BRD3: variants seen among roughly 807,000 people sequenced by gnomAD.
BRD3 encodes the protein bromodomain-containing protein 3.
BRD3 carries 17 observed loss-of-function variants against 66.8 expected under a neutral mutation model. The observed-to-expected ratio is 0.25, with a 90% CI of 0.17 to 0.38. The LOEUF (loss-of-function observed/expected upper bound fraction) is 0.38, where lower values mean the gene tolerates loss of function less well. BRD3 is among the 10% of genes least tolerant of loss of function. The pLI, the probability that BRD3 is intolerant of heterozygous loss-of-function variation, is 1.00. For missense variants in BRD3, 713 were observed against 956.1 expected (o/e 0.75, Z 3.35); for synonymous variants, 421 against 393.2 (o/e 1.07, Z -0.84).
rs1338352441 is a variant in BRD3, at chr9:134,037,572, A to T, written c.1644-1248T>A. On this transcript the variant is annotated intron_variant, in intron 9 of 11. Transcript: ENST00000303407. The stretch of plus-strand genomic sequence containing the variant: ...GGCAACACAGCCAGACTCCTTCTCA[A>T]AAAAATTTAAAAAATAAAAAATTAA... 2.0e-5 allele frequency among the ~76,000 whole-genome samples: 3 copies of T among 152,206 alleles called. No homozygotes were observed. In the East Asian group the frequency reaches 5.8e-4, roughly 29 times the overall value.
intron 1 of BRD3, among the ~76,000 whole-genome samples, 189 bp downstream of exon 1, chr9:134,067,756 G>A (rs1830700759): frequency 6.9e-6 from 1 of 144,914 alleles, no homozygotes; most frequent in Non-Finnish European, 1.5e-5. Flanking sequence ...GGCGGCCGCC[G>A]CGCTTTGTTG....
Position 134,042,060 on chromosome 9 carries a change from T to C in BRD3, c.1216-109A>G, listed in dbSNP as rs914755928. 4.8e-6 allele frequency: 6 copies of C among 1,240,620 alleles called. No individual in the cohort carries two copies. In the African/African-American group the frequency reaches 9.3e-5, roughly 19 times the overall value. The allele number at this position is 1,240,620 out of a possible 1,614,324, so 76.9% of individuals were successfully genotyped here. A position where few individuals can be genotyped will look rare whatever the true frequency, so the allele number is the denominator to read the frequency against. ...CCCCTGAGGCAGCACCCACAGCTGT[T>C]ACGAAGGTGGGGCTAGGAGGAGACA... On this transcript the variant is annotated intron_variant, in intron 7 of 11. Coordinates refer to ENST00000303407, the MANE Select transcript of BRD3 (RefSeq NM_007371.4).
chr9:134,053,639 C>T (rs942269485), intron 1 of BRD3, 49 bp from the exon 2 acceptor site: 3 of 1,419,580 alleles, frequency 2.1e-6, no homozygotes, highest in South Asian at 1.5e-5. Context: ...ACCCCGGGGA[C>T]CCCCACCTCT....
At chr9:134,050,824 T>C (rs761271353) in intron 4 of BRD3, among the ~76,000 whole-genome samples, 15 of 151,800 alleles carry the variant, frequency 9.9e-5, no homozygotes, top group Non-Finnish European at 1.9e-4. Context: ...CCACAGACCA[T>C]AGGAGGCGGA....
chr9:134,053,754 A>T (rs1830354120), intron 1 of BRD3, 164 bp from the exon 2 acceptor site: 1 of 583,390 alleles, frequency 1.7e-6, no homozygotes, highest in Non-Finnish European at 2.8e-6. Context: ...CTGTCGGGAA[A>T]GCTGCTCAGG....
Position 134,040,164 on chromosome 9 carries a change from C to T in BRD3, c.1513G>A (p.Glu505Lys), listed in dbSNP as rs1564549192. Residue 505 changes from glutamate (E) to lysine (K), a missense_variant, in exon 9 of 12, where the codon GAG (glutamate) becomes AAG (lysine). Physicochemically the swap from Glu to Lys is moderately conservative, Grantham distance 56 (BLOSUM62 1). Around this residue, in one of 5 missense-constraint regions of BRD3, gnomAD observed 418 missense variants for 609.3 expected, o/e 0.69. Coordinates refer to ENST00000303407, the MANE Select transcript of BRD3 (RefSeq NM_007371.4). ...ACTTTGTGCTTCTCCTTCTCCTTCT[C>T]CTTGTCCTTCTTCTTCTTCTCCTTC... ...KEKEKKKKDK[E>K]KEKEKHKVKA... 6.4e-7 allele frequency: 1 copy of T among 1,563,334 alleles called. No individual in the cohort carries two copies. Among genetic ancestry groups the T allele is most frequent in the African/African-American group, 1.4e-5 (1 of 73,860 alleles).
chr9:134,051,052 G>A (rs1260017887), intron 4 of BRD3, among the ~76,000 whole-genome samples: 3 of 152,264 alleles, frequency 2.0e-5, no homozygotes, highest in East Asian at 1.9e-4. Flanking sequence ...CCTGCATGCC[G>A]GGTTCCCAGG....
chr9:134,067,267 G>C (rs1212869608), intron 1 of BRD3, among the ~76,000 whole-genome samples: 1 of 151,904 alleles, frequency 6.6e-6, no homozygotes, highest in Non-Finnish European at 1.5e-5. Flanking sequence ...GCAATAATCC[G>C]GCAACTCAGG....
In BRD3 at chr9:134,045,440, G is replaced by A. The variant is rs1175692761; in HGVS notation, c.1087-19C>T. The A allele has an allele frequency of 3.1e-6, 5 of 1,612,896 alleles. No individual in the cohort carries two copies. Among genetic ancestry groups the A allele is most frequent in the Admixed American group, 1.7e-5 (1 of 59,968 alleles). ...TCTTCCTCTGCAACACACAGTGACAGGGGCCAGTGAGCGTGGCCCGTGGCA... is the reference window on the plus strand; with the variant it reads ...TCTTCCTCTGCAACACACAGTGACAAGGGCCAGTGAGCGTGGCCCGTGGCA... On this transcript the variant is annotated intron_variant, in intron 6 of 11. Coordinates refer to ENST00000303407, the MANE Select transcript of BRD3 (RefSeq NM_007371.4). This position sits in a 1 kb window ranked among gnomAD's most constrained non-coding sequence, Gnocchi z 4.8.
In BRD3 at chr9:134,033,612, G is replaced by C. The variant is rs1462793853; in HGVS notation, c.2159C>G (p.Ser720Cys). ...AGTTCATTCTGAGTCACTGCTGTCA[G>C]AGCTGGACCCGCTGGAGCTGCTGCT... ...SGSSSSSGSS[S>C]DSSDSE The change falls in exon 12 of 12, where the codon TCT becomes TGT. Residue 720 changes from serine (S) to cysteine (C), a missense_variant. Ser to Cys is a moderately radical substitution (Grantham distance 112). Coordinates refer to ENST00000303407, the MANE Select transcript of BRD3 (RefSeq NM_007371.4). This position sits in a 1 kb window ranked among gnomAD's most constrained non-coding sequence, Gnocchi z 5.1. The C allele has an allele frequency of 1.3e-6, 1 of 770,230 alleles. No individual in the cohort carries two copies. The allele number at this position is 770,230 out of a possible 1,614,324, so 47.7% of individuals were successfully genotyped here. A position where few individuals can be genotyped will look rare whatever the true frequency, so the allele number is the denominator to read the frequency against.
intron 5 of BRD3, among the ~76,000 whole-genome samples, chr9:134,050,040 A>T (rs1248086167): frequency 6.6e-6 from 1 of 152,184 alleles, no homozygotes; most frequent in Non-Finnish European, 1.5e-5. Context: ...CCTGAGTGTG[A>T]GCAGGGGAGG....
In BRD3 at chr9:134,032,976, G is replaced by A. The variant is rs14719; in HGVS notation, c.*614C>T. 31,513 of 395,752 alleles carry A rather than the reference G, an allele frequency of 0.08. 1,425 individuals are homozygous for A. The highest frequency in any genetic ancestry group is 0.14 in the African/African-American group (6,911 of 48,366). 24.5% of individuals were successfully genotyped at this position (395,752 alleles called of 1,614,324 possible). ...AGGAGCTCCTGACATCACCACGAGC[G>A]GAGAACGCACATCCCACCCGACCAC... is the stretch of plus-strand genomic sequence containing the variant. On this transcript the variant is annotated 3_prime_UTR_variant, in exon 12 of 12. Coordinates refer to ENST00000303407, the MANE Select transcript of BRD3 (RefSeq NM_007371.4).
chr9:134,051,810 A>G, intron 3 of BRD3, 101 bp from the exon 4 acceptor site: 1 of 1,365,860 alleles, frequency 7.3e-7, no homozygotes, highest in South Asian at 1.4e-5. Context: ...AAATTTGTTA[A>G]CAGATTTGGC....
chr9:134,060,820 G>A (rs771363495), intron 1 of BRD3, among the ~76,000 whole-genome samples: 1 of 152,208 alleles, frequency 6.6e-6, no homozygotes, highest in Non-Finnish European at 1.5e-5. Context: ...GCCCCAGGCA[G>A]GCCCACCTCT....
intron 11 of BRD3, 118 bp downstream of exon 11, chr9:134,034,583 A>G: frequency 2.9e-6 from 4 of 1,383,220 alleles, no homozygotes; most frequent in Non-Finnish European, 3.9e-6. Flanking sequence ...GTCTAAGAAC[A>G]TGGAGCTCAT....
intron 1 of BRD3, among the ~76,000 whole-genome samples, chr9:134,065,138 C>T (rs187209171): frequency 3.3e-5 from 5 of 152,274 alleles, no homozygotes; most frequent in Non-Finnish European, 5.9e-5. Flanking sequence ...TATAAGGGAC[C>T]TGCTGGCTAG....
intron 1 of BRD3, among the ~76,000 whole-genome samples, chr9:134,064,136 C>T (rs959930277): frequency 1.3e-5 from 2 of 152,220 alleles, no homozygotes; most frequent in Admixed American, 6.5e-5. Flanking sequence ...GCCACACGCA[C>T]AGGTCCTGGC....
intron 9 of BRD3, among the ~76,000 whole-genome samples, chr9:134,039,031 T>G (rs918215119): frequency 2.6e-5 from 4 of 152,106 alleles, no homozygotes; most frequent in Non-Finnish European, 4.4e-5. Flanking sequence ...CTGACCCAGC[T>G]GTCTAACCCC....
rs200868749 is a variant in BRD3, at chr9:134,033,237, G to A, written c.*353C>T. The A allele has an allele frequency of 3.2e-4, 128 of 401,962 alleles. No homozygotes were observed. Among genetic ancestry groups the A allele is most frequent in the Non-Finnish European group, 4.4e-4 (100 of 228,242 alleles). The allele number at this position is 401,962 out of a possible 1,614,324, so 24.9% of individuals were successfully genotyped here. A position where few individuals can be genotyped will look rare whatever the true frequency, so the allele number is the denominator to read the frequency against. ...ATTTCCTTGGAAAAAATTCTTTCTC[G>A]AGCTATCGACCAGGTTGGGCCTAAG... On this transcript the variant is annotated 3_prime_UTR_variant, in exon 12 of 12. Transcript: ENST00000303407. The surrounding 1 kb of genome is among the most constrained non-coding windows in gnomAD (Gnocchi z 5.1).
Sources: gnomAD v4.1 joint callset for allele counts (sites outside exome capture counted in the v4.1 genomes callset) on GRCh38, gnomAD v4.1.1 for gene constraint, gnomAD v4.1.1 regional missense constraint, Gnocchi (gnomAD v3.1) non-coding constraint, MANE v1.5 for transcripts, NCBI Gene and HGNC (gene_info 2026-07-23, HGNC 2026-07-21) for gene names.